Variants in AOAH observed in about 807,000 individuals in gnomAD.
AOAH encodes acyloxyacyl hydrolase (neutrophil).
AOAH carries 64 observed loss-of-function variants against 92.2 expected under a neutral mutation model. The observed-to-expected ratio is 0.69, with a 90% CI of 0.57 to 0.86. AOAH has a LOEUF of 0.86. Ranked by LOEUF, AOAH falls within the 40% of genes least tolerant of loss-of-function variation. The pLI, the probability that AOAH is intolerant of heterozygous loss-of-function variation, is 0.00. For synonymous variants in AOAH, 263 were observed against 254.5 expected (o/e 1.03, Z -0.32); for missense variants, 656 against 694.6 (o/e 0.94, Z 0.62).
chr7:36,529,231 TA>T (rs61477972), intron 19 of AOAH, among the ~76,000 whole-genome samples: 107 of 144,778 alleles, frequency 7.4e-4, no homozygotes, highest in Middle Eastern at 3.6e-3. Flanking sequence ...CTCTGGAAAG[TA>T]AAAAAAAAAA....
chr7:36,530,678 C>T lies in AOAH; in HGVS notation c.1426-164G>A, dbSNP rs530390924. On this transcript the variant is annotated intron_variant, in intron 18 of 20. Transcript: ENST00000617537. ...CTGCACATTAAATTCTAGTCACGTA[C>T]AAATGGCCAGTGAACATGAGACAAA... The T allele has an allele frequency of 4.4e-3, 2,444 of 559,242 alleles. 9 individuals carry two copies. Among genetic ancestry groups the T allele is most frequent in the Non-Finnish European group, 5.9e-3 (1,857 of 313,406 alleles). The allele number at this position is 559,242 out of a possible 1,614,324, so 34.6% of individuals were successfully genotyped here.
chr7:36,584,707 T>G (rs1789185092), intron 12 of AOAH, among the ~76,000 whole-genome samples: 1 of 152,194 alleles, frequency 6.6e-6, no homozygotes, highest in African/African-American at 2.4e-5. Context: ...TTACGCTGAT[T>G]TATTTTTACA....
intron 20 of AOAH, among the ~76,000 whole-genome samples, chr7:36,517,933 A>C (rs1407601192): frequency 9.1e-5 from 6 of 65,814 alleles, no homozygotes; most frequent in African/African-American, 2.7e-4. Flanking sequence ...ACACACACCC[A>C]CACACACACA....
chr7:36,581,183 A>G (rs1190015161), intron 12 of AOAH, among the ~76,000 whole-genome samples: 2 of 152,134 alleles, frequency 1.3e-5, no homozygotes, highest in East Asian at 3.8e-4. Context: ...CCAATCCCCA[A>G]GTCTTCTGGG....
intron 1 of AOAH, among the ~76,000 whole-genome samples, chr7:36,711,510 C>A (rs1229071539): frequency 6.6e-6 from 1 of 152,080 alleles, no homozygotes; most frequent in Non-Finnish European, 1.5e-5. Context: ...GTTTCCACCT[C>A]AGAGCAATCC....
intron 20 of AOAH, among the ~76,000 whole-genome samples, chr7:36,519,554 C>T (rs527640141): frequency 6.6e-6 from 1 of 152,338 alleles, no homozygotes; most frequent in Admixed American, 6.5e-5. Context: ...CCTCAGCCTC[C>T]CAAGTAGCTG....
chr7:36,610,698 T>C (rs1249245424), intron 11 of AOAH, among the ~76,000 whole-genome samples: 1 of 152,228 alleles, frequency 6.6e-6, no homozygotes, highest in Non-Finnish European at 1.5e-5. Context: ...GCGTATGCAC[T>C]CTCTTCCTTC....
At chr7:36,530,289 T>C (rs77218025) in intron 19 of AOAH, 129 bp downstream of exon 19, 11,451 of 641,266 alleles carry the variant, frequency 0.018, 540 homozygotes, top group African/African-American at 0.13. Context: ...TATTAGTGTG[T>C]CAGAATAGGC....
intron 5 of AOAH, among the ~76,000 whole-genome samples, chr7:36,633,505 C>T (rs79638045): frequency 0.042 from 6,393 of 152,206 alleles, 187 homozygotes; most frequent in Admixed American, 0.081. Flanking sequence ...GCCTGGCTCC[C>T]GGAAGAGGGA....
intron 1 of AOAH, among the ~76,000 whole-genome samples, chr7:36,696,129 T>C (rs1797694070): frequency 6.6e-6 from 1 of 152,232 alleles, no homozygotes; most frequent in South Asian, 2.1e-4. Context: ...TCCTATTTTG[T>C]ATCACTTGTC....
chr7:36,562,321 G>A (rs1484358733), intron 13 of AOAH, among the ~76,000 whole-genome samples: 1 of 152,092 alleles, frequency 6.6e-6, no homozygotes, highest in Non-Finnish European at 1.5e-5. Context: ...GAGAAAATAC[G>A]GACTGCAGCA....
chr7:36,634,474 C>T (rs933666286), intron 5 of AOAH, among the ~76,000 whole-genome samples: 22 of 152,092 alleles, frequency 1.4e-4, no homozygotes, highest in South Asian at 1.0e-3. Flanking sequence ...CCCTCTCACG[C>T]GCATCACTTT....
chr7:36,576,046 A>G (rs1297103954), intron 13 of AOAH, among the ~76,000 whole-genome samples: 2 of 152,194 alleles, frequency 1.3e-5, no homozygotes, highest in Non-Finnish European at 2.9e-5. Context: ...ATTCCTTGGC[A>G]ATTCATTAGG....
rs559760551 is a variant in AOAH at position 36,635,964 on chromosome 7, C to T, written c.450+1887G>A. On this transcript the variant is annotated intron_variant, in intron 5 of 20. Transcript: ENST00000617537. ...GTTCCCTCTAGGATCCTCTCATGGC[C>T]TCATTGAGATCCAGGCTTTATCTGG... Among the ~76,000 whole-genome samples, 5 of 152,300 alleles carry T rather than the reference C, an allele frequency of 3.3e-5. No individual in the cohort carries two copies. In the East Asian group the frequency reaches 7.7e-4, roughly 24 times the overall value.
intron 12 of AOAH, among the ~76,000 whole-genome samples, chr7:36,578,970 G>C (rs969326871): frequency 1.3e-5 from 2 of 152,096 alleles, no homozygotes; most frequent in Non-Finnish European, 2.9e-5. Flanking sequence ...GAAGGCAAAA[G>C]GGGAACAGGC....
intron 1 of AOAH, among the ~76,000 whole-genome samples, chr7:36,687,881 C>T (rs1308490498): frequency 6.6e-6 from 1 of 152,114 alleles, no homozygotes; most frequent in African/African-American, 2.4e-5. Flanking sequence ...CATTCCTATA[C>T]ATAAAGATGT....
At chr7:36,673,210 C>T (rs79306049) in intron 3 of AOAH, among the ~76,000 whole-genome samples, 2,924 of 152,240 alleles carry the variant, frequency 0.019, 90 homozygotes, top group African/African-American at 0.067. Context: ...AACTGAGAAA[C>T]AGGGCTTATT....
chr7:36,663,559 T>C (rs1350481425), intron 3 of AOAH, among the ~76,000 whole-genome samples: 2 of 152,240 alleles, frequency 1.3e-5, no homozygotes, highest in African/African-American at 2.4e-5. Context: ...ATAGTTGGAA[T>C]CATACTGCAT....
intron 4 of AOAH, among the ~76,000 whole-genome samples, chr7:36,656,235 C>G (rs559421727): frequency 6.6e-6 from 1 of 152,154 alleles, no homozygotes; most frequent in Non-Finnish European, 1.5e-5. Context: ...TCACCCAACA[C>G]GGGATGAAAC....
Sources: gnomAD v4.1 joint callset for allele counts (sites outside exome capture counted in the v4.1 genomes callset) on GRCh38, gnomAD v4.1.1 for gene constraint, MANE v1.5 for transcripts, NCBI Gene and HGNC (gene_info 2026-07-23, HGNC 2026-07-21) for gene names.